RBFOX3: variants seen among roughly 807,000 people sequenced by gnomAD.
The protein encoded by RBFOX3 is RNA binding protein fox-1 homolog 3.
In RBFOX3, 17 loss-of-function variants were observed where a neutral mutation model predicts 48.7. The ratio of observed to expected loss-of-function variants is 0.35; its 90% CI spans 0.24 to 0.52. The LOEUF is 0.52. Among genes scored for constraint, RBFOX3 ranks in the 20% least tolerant of loss-of-function variants. RBFOX3 has a pLI of 0.94. For missense variants in RBFOX3, 382 were observed against 497.5 expected, an observed-to-expected ratio of 0.77 and a Z score of 2.21; for synonymous variants, 212 against 209.5, an observed-to-expected ratio of 1.01 and a Z score of -0.10.
At chr17:79,652,491 G>A in the RBFOX3 span, among the ~76,000 whole-genome samples, 1,365 of 147,676 alleles carry the variant, frequency 9.2e-3, 21 homozygotes, top group East Asian at 0.019. Flanking sequence ...TGGGATAGGT[G>A]CAGAAGAAAG....
chr17:79,390,268 C>G lies in RBFOX3; in HGVS notation c.-174-82444G>C, dbSNP rs2061214896. ...CACATCCCTCCGCCCCATCATCCTGCAATCCTTTAGCTGGCAGACACCAGC... is the reference window on the plus strand; with the variant it reads ...CACATCCCTCCGCCCCATCATCCTGGAATCCTTTAGCTGGCAGACACCAGC... On this transcript the variant is annotated intron_variant, in intron 2 of 14. Coordinates refer to ENST00000693108, the MANE Select transcript of RBFOX3 (RefSeq NM_001350451.2). This position sits in a 1 kb window ranked among gnomAD's most constrained non-coding sequence, Gnocchi z 4.2. 6.6e-6 allele frequency among the ~76,000 whole-genome samples: 1 copy of G among 152,248 alleles called. No homozygotes were observed. Among genetic ancestry groups the G allele is most frequent in the Non-Finnish European group, 1.5e-5 (1 of 68,044 alleles).
chr17:79,308,894 G>A (rs1217989926), intron 2 of RBFOX3, among the ~76,000 whole-genome samples: 1 of 152,082 alleles, frequency 6.6e-6, no homozygotes, highest in Non-Finnish European at 1.5e-5. Flanking sequence ...CGAGGCGGGG[G>A]GATCACTTGA....
At chr17:79,464,390 C>T (rs1001522589) in intron 2 of RBFOX3, among the ~76,000 whole-genome samples, 15 of 152,234 alleles carry the variant, frequency 9.9e-5, no homozygotes, top group Admixed American at 2.6e-4. Context: ...CCATCAATAC[C>T]GCCAACTTGG....
chr17:79,097,568 G>A (rs1427168678), intron 10 of RBFOX3, 124 bp downstream of exon 10: 56 of 1,121,970 alleles, frequency 5.0e-5, no homozygotes, highest in East Asian at 9.3e-5. Flanking sequence ...CAGTCAACAC[G>A]GCGACGGGAG....
chr17:79,250,604 C>T (rs960764462), intron 3 of RBFOX3, among the ~76,000 whole-genome samples: 14 of 152,164 alleles, frequency 9.2e-5, no homozygotes. Context: ...GATAAACACG[C>T]TTGCTTGAGC....
intron 1 of RBFOX3, among the ~76,000 whole-genome samples, chr17:79,491,893 A>T (rs1474787674): frequency 6.6e-6 from 1 of 152,190 alleles, no homozygotes; most frequent in Non-Finnish European, 1.5e-5. Flanking sequence ...CAGCCTGGCC[A>T]ACATGGTGAA....
chr17:79,221,554 C>T (rs1199638778), intron 4 of RBFOX3, among the ~76,000 whole-genome samples: 1 of 152,222 alleles, frequency 6.6e-6, no homozygotes, highest in African/African-American at 2.4e-5. Flanking sequence ...CAGGACTTTC[C>T]TTCCCTGGAG....
intron 3 of RBFOX3, among the ~76,000 whole-genome samples, chr17:79,269,972 C>T (rs1265508095): frequency 6.6e-6 from 1 of 152,132 alleles, no homozygotes; most frequent in Non-Finnish European, 1.5e-5. Context: ...CCACTGCTGC[C>T]CTCAGGGCCT....
chr17:79,105,058 C>T (rs1190435209), intron 6 of RBFOX3, among the ~76,000 whole-genome samples: 2 of 152,194 alleles, frequency 1.3e-5, no homozygotes, highest in East Asian at 3.9e-4. Flanking sequence ...TGAACAGCCC[C>T]GAACAACACT....
intron 2 of RBFOX3, among the ~76,000 whole-genome samples, chr17:79,478,102 C>T (rs1004279734): frequency 4.6e-5 from 7 of 152,224 alleles, no homozygotes; most frequent in Admixed American, 2.0e-4. Context: ...GCCCCACGCA[C>T]GTTCCCACGG....
At chr17:79,558,111 G>A (rs1480318489) in intron 1 of RBFOX3, among the ~76,000 whole-genome samples, 8 of 152,188 alleles carry the variant, frequency 5.3e-5, no homozygotes, top group African/African-American at 9.7e-5. Context: ...GAGGTCCATC[G>A]CAGACCAGCT....
intron 4 of RBFOX3, among the ~76,000 whole-genome samples, chr17:79,147,557 G>T (rs546173575): frequency 2.6e-5 from 4 of 152,066 alleles, no homozygotes; most frequent in Non-Finnish European, 5.9e-5. Context: ...CATTGGGGAG[G>T]GGGGGGGCTC....
intron 1 of RBFOX3, among the ~76,000 whole-genome samples, chr17:79,510,106 G>A (rs1034982893): frequency 8.5e-5 from 13 of 152,116 alleles, no homozygotes; most frequent in East Asian, 1.9e-4. Flanking sequence ...CCAACAGCCC[G>A]GCCCACCCAC....
chr17:79,247,310 AT>A (rs57539628), intron 3 of RBFOX3, among the ~76,000 whole-genome samples: 5,744 of 116,352 alleles, frequency 0.049, 100 homozygotes, highest in Non-Finnish European at 0.054. Context: ...ACATAATCGT[AT>A]TTTTTTTTTT....
At chr17:79,140,123 C>A (rs75747210) in intron 4 of RBFOX3, among the ~76,000 whole-genome samples, 2,352 of 152,342 alleles carry the variant, frequency 0.015, 66 homozygotes, top group African/African-American at 0.054. Flanking sequence ...ATGACAGCCT[C>A]GCATGTCATT....
At chr17:79,499,963 A>G (rs913948964) in intron 1 of RBFOX3, among the ~76,000 whole-genome samples, 1 of 152,200 alleles carries the variant, frequency 6.6e-6, no homozygotes, top group African/African-American at 2.4e-5. Flanking sequence ...CCTACCCTCT[A>G]TGAATCTGGG....
At chr17:79,238,958 C>G (rs940138558) in intron 3 of RBFOX3, among the ~76,000 whole-genome samples, 1 of 152,238 alleles carries the variant, frequency 6.6e-6, no homozygotes, top group East Asian at 1.9e-4. Flanking sequence ...AGGAGCTCCC[C>G]GAGCCCAGCT....
At chr17:79,263,976 G>A (rs891392132) in intron 3 of RBFOX3, among the ~76,000 whole-genome samples, 5 of 152,114 alleles carry the variant, frequency 3.3e-5, no homozygotes, top group African/African-American at 9.7e-5. Flanking sequence ...AGGAAGAAGG[G>A]CTCGTGGAAC....
At chr17:79,125,871 G>C (rs2037104797) in intron 4 of RBFOX3, among the ~76,000 whole-genome samples, 1 of 152,236 alleles carries the variant, frequency 6.6e-6, no homozygotes, top group Non-Finnish European at 1.5e-5. Flanking sequence ...GGGAACGCCA[G>C]GCCCCATCCG....
Sources: gnomAD v4.1 joint callset for allele counts (sites outside exome capture counted in the v4.1 genomes callset) on GRCh38, gnomAD v4.1.1 for gene constraint, Gnocchi (gnomAD v3.1) non-coding constraint, MANE v1.5 for transcripts, NCBI Gene and HGNC (gene_info 2026-07-23, HGNC 2026-07-21) for gene names.